ROPN1B: variants seen among roughly 807,000 people sequenced by gnomAD.
ROPN1B encodes the protein ropporin-1B.
In ROPN1B, 13 loss-of-function variants were observed where a neutral mutation model predicts 23.7. The ratio of observed to expected loss-of-function variants is 0.55; its 90% CI spans 0.36 to 0.87. ROPN1B has a LOEUF of 0.87. Among genes scored for constraint, ROPN1B ranks in the 40% least tolerant of loss-of-function variants. ROPN1B has a pLI of 0.01. For missense variants in ROPN1B, 183 were observed against 249.2 expected (o/e 0.73, Z 1.79); for synonymous variants, 67 against 100.4 (o/e 0.67, Z 1.99).
At position 125,974,274 on chromosome 3, in the gene ROPN1B, C is replaced by T. The variant is rs548517895; in HGVS notation, c.117-1289C>T. On this transcript the variant is annotated intron_variant, in intron 3 of 6. Coordinates refer to ENST00000514116, the MANE Select transcript of ROPN1B (RefSeq NM_001308313.2). The stretch of plus-strand genomic sequence containing the variant: ...ACAGTGCACCCACACCCCGCCCACC[C>T]CAACACTGATCTGTGTGCAGAGATT... Among the ~76,000 whole-genome samples, 15 of 152,288 alleles carry T rather than the reference C, an allele frequency of 9.8e-5. No individual in the cohort carries two copies. In the East Asian group the frequency reaches 2.3e-3, roughly 24 times the overall value.
chr3:125,982,968 A>T (rs1938660055), intron 6 of ROPN1B, among the ~76,000 whole-genome samples: 1 of 151,956 alleles, frequency 6.6e-6, no homozygotes, highest in Admixed American at 6.6e-5. Flanking sequence ...ATATGGTGAA[A>T]CCCCATCTTT....
At chr3:125,972,349 CG>C (rs988113034) in intron 3 of ROPN1B, 179 bp downstream of exon 3, 87 of 644,012 alleles carry the variant, frequency 1.4e-4, no homozygotes, top group South Asian at 1.1e-3. Context: ...TACATCTAGC[CG>C]GGCAAGGATG....
chr3:125,980,372 T>C (rs1191917250), intron 5 of ROPN1B, among the ~76,000 whole-genome samples: 1 of 152,222 alleles, frequency 6.6e-6, no homozygotes, highest in Non-Finnish European at 1.5e-5. Flanking sequence ...CATGACTTGG[T>C]GGCTTGAACA....
chr3:125,973,526 G>T (rs554764796), intron 3 of ROPN1B: 43 of 167,934 alleles, frequency 2.6e-4, no homozygotes, highest in Middle Eastern at 3.0e-3. Context: ...TATCTTATAC[G>T]TTAGTTTCAA....
At chr3:125,974,905 G>A (rs910747445) in intron 3 of ROPN1B, among the ~76,000 whole-genome samples, 2 of 152,104 alleles carry the variant, frequency 1.3e-5, no homozygotes, top group Admixed American at 6.5e-5. Flanking sequence ...CCCTCTTGAA[G>A]CCCCAAGCCT....
At chr3:125,972,920 G>C (rs1196079091) in intron 3 of ROPN1B, 2 of 359,992 alleles carry the variant, frequency 5.6e-6, no homozygotes, top group African/African-American at 4.3e-5. Flanking sequence ...TCAGTAGATG[G>C]AGCTTACACA....
At chr3:125,982,479 A>G in intron 6 of ROPN1B, 34 bp downstream of exon 6, 1 of 1,560,120 alleles carries the variant, frequency 6.4e-7, no homozygotes, top group Non-Finnish European at 8.7e-7. Context: ...AGGTGAAAGA[A>G]TACCAGGAAA....
chr3:125,973,190 C>A (rs1231518917), intron 3 of ROPN1B: 1 of 348,650 alleles, frequency 2.9e-6, no homozygotes, highest in East Asian at 7.7e-5. Context: ...GGGAAGATGT[C>A]CTCAGGCTGA....
At chr3:125,974,429 C>T (rs562941433) in intron 3 of ROPN1B, among the ~76,000 whole-genome samples, 2 of 152,304 alleles carry the variant, frequency 1.3e-5, no homozygotes, top group African/African-American at 4.8e-5. Context: ...ATCGTTAGCC[C>T]ATCATTGTAT....
intron 3 of ROPN1B, chr3:125,973,000 GAC>G (rs1938271811): frequency 2.6e-6 from 1 of 385,950 alleles, no homozygotes; most frequent in African/African-American, 2.1e-5. Context: ...TTGCTCCTTG[GAC>G]AAACTTGCCT....
chr3:125,979,603 G>C (rs2107606725), intron 5 of ROPN1B, among the ~76,000 whole-genome samples: 1 of 152,316 alleles, frequency 6.6e-6, no homozygotes, highest in Non-Finnish European at 1.5e-5. Flanking sequence ...ATAAATTTCT[G>C]TTGTTATAAA....
At chr3:125,981,124 CAATT>C (rs1424422173) in intron 5 of ROPN1B, among the ~76,000 whole-genome samples, 1 of 146,788 alleles carries the variant, frequency 6.8e-6, no homozygotes, top group African/African-American at 2.5e-5. Context: ...AATATTAACT[CAATT>C]AAAATTAATA....
At chr3:125,972,713 G>C in intron 3 of ROPN1B, 1 of 357,952 alleles carries the variant, frequency 2.8e-6, no homozygotes, top group South Asian at 2.2e-5. Flanking sequence ...AAGAGGCTTT[G>C]TATCTTTGAG....
In ROPN1B at chr3:125,983,358, G is replaced by A. The variant is rs756068711; in HGVS notation, c.*38G>A. 2.1e-6 allele frequency: 3 copies of A among 1,408,338 alleles called. No homozygotes were observed. Among genetic ancestry groups the A allele is most frequent in the Middle Eastern group, 1.8e-4 (1 of 5,670 alleles). The allele number at this position is 1,408,338 out of a possible 1,614,324, so 87.2% of individuals were successfully genotyped here. A position where few individuals can be genotyped will look rare whatever the true frequency, so the allele number is the denominator to read the frequency against. On this transcript the variant is annotated 3_prime_UTR_variant, in exon 7 of 7. Coordinates refer to ENST00000514116, the MANE Select transcript of ROPN1B (RefSeq NM_001308313.2). ...GGCAATTTTAAAGGAAGATACAGAG[G>A]TGATTGTACTTCAGAATGATAAACC...
At chr3:125,971,484 G>A (rs1580338895) in intron 2 of ROPN1B, among the ~76,000 whole-genome samples, 1 of 152,062 alleles carries the variant, frequency 6.6e-6, no homozygotes, top group Non-Finnish European at 1.5e-5. Flanking sequence ...CGAGTTTTCC[G>A]CCTGACAATT....
At chr3:125,974,163 T>C (rs1938315297) in intron 3 of ROPN1B, among the ~76,000 whole-genome samples, 1 of 152,238 alleles carries the variant, frequency 6.6e-6, no homozygotes, top group Non-Finnish European at 1.5e-5. Flanking sequence ...AATGAGGTGC[T>C]GTGTGTCTCT....
intron 5 of ROPN1B, chr3:125,977,657 G>A (rs1273095817): frequency 5.2e-6 from 1 of 190,828 alleles, no homozygotes; most frequent in East Asian, 1.3e-4. Context: ...ATTTAGTCAT[G>A]ACATCTCCAT....
At chr3:125,983,200 T>C (rs1938669573) in intron 6 of ROPN1B, 54 bp from the exon 7 acceptor site, 5 of 1,220,602 alleles carry the variant, frequency 4.1e-6, no homozygotes. Context: ...CATATTGTCT[T>C]TCTTAAGATT....
chr3:125,979,719 A>G (rs1187712773), intron 5 of ROPN1B, among the ~76,000 whole-genome samples: 2 of 152,242 alleles, frequency 1.3e-5, no homozygotes, highest in Non-Finnish European at 2.9e-5. Context: ...AGGCAAGCCC[A>G]GAGTTTCTCT....
Sources: allele counts gnomAD v4.1 joint callset (sites outside exome capture counted in the v4.1 genomes callset), GRCh38; gene constraint gnomAD v4.1.1; transcripts MANE v1.5; gene names NCBI Gene and HGNC (gene_info 2026-07-23, HGNC 2026-07-21).